The following VPS37C variants were observed in gnomAD, a reference collection of about 807,000 sequenced individuals.
VPS37C encodes VPS37C subunit of ESCRT-I, also known as vacuolar protein sorting-associated protein 37C.
In VPS37C, 9 loss-of-function variants were observed where a neutral mutation model predicts 16.1. The observed-to-expected ratio is 0.56, with a 90% CI of 0.34 to 0.97. The LOEUF (loss-of-function observed/expected upper bound fraction) is 0.97. Ranked by LOEUF, VPS37C falls within the 50% of genes least tolerant of loss-of-function variation. The pLI is 0.02. For synonymous variants in VPS37C, 207 were observed against 206.4 expected (o/e 1.00, Z -0.02); for missense variants, 479 against 472.7 (o/e 1.01, Z -0.12).
In VPS37C at chr11:61,131,000, G is replaced by T; in HGVS notation, c.*820C>A. 1 of 313,658 alleles carries T rather than the reference G, an allele frequency of 3.2e-6. No homozygotes were observed. Among genetic ancestry groups the T allele is most frequent in the South Asian group, 2.5e-5 (1 of 39,776 alleles). 19.4% of individuals were successfully genotyped at this position (313,658 alleles called of 1,614,324 possible). A position where few individuals can be genotyped will look rare whatever the true frequency, so the allele number is the denominator to read the frequency against. ...AAAGTGGGGACCCCAGAGGAGAGAA[G>T]GGAGGGTGGCTGGGGAGGTGACCTG... On this transcript the variant is annotated 3_prime_UTR_variant, in exon 5 of 5. Coordinates refer to ENST00000301765, the MANE Select transcript of VPS37C (RefSeq NM_017966.5).
rs1861319392 is a variant in VPS37C at position 61,134,062 on chromosome 11, CGCTCCACGA to C, written c.230_238del (p.Leu77_Glu79del). The C allele has an allele frequency of 5.0e-6, 8 of 1,612,302 alleles. No individual in the cohort carries two copies. Among genetic ancestry groups the C allele is most frequent in the Non-Finnish European group, 6.8e-6 (8 of 1,178,624 alleles). On this transcript the variant is annotated inframe_deletion, in exon 3 of 5. Transcript: ENST00000301765. The stretch of plus-strand genomic sequence containing the variant: ...CAGCTTTGCCTTCTGCTCCTGGCAC[CGCTCCACGA>C]GCTTCCGGAGCTCCTGGTATCTATC...
intron 1 of VPS37C, among the ~76,000 whole-genome samples, chr11:61,153,205 T>C (rs377583311): frequency 1.8e-4 from 28 of 152,210 alleles, no homozygotes; most frequent in Non-Finnish European, 3.1e-4. Flanking sequence ...GATTAGATCA[T>C]GGGGGCGGTT....
chr11:61,149,290 TAAAC>T (rs1355487838), intron 1 of VPS37C, among the ~76,000 whole-genome samples: 3 of 152,158 alleles, frequency 2.0e-5, no homozygotes, highest in South Asian at 2.1e-4. Context: ...CATCTCAAAG[TAAAC>T]AAACAAACAA....
At chr11:61,149,451 T>C (rs1432134361) in intron 1 of VPS37C, among the ~76,000 whole-genome samples, 1 of 152,110 alleles carries the variant, frequency 6.6e-6, no homozygotes, top group Non-Finnish European at 1.5e-5. Context: ...ACCAACATCA[T>C]GGGGTTGTAA....
chr11:61,146,696 A>C (rs776340438), intron 1 of VPS37C, among the ~76,000 whole-genome samples: 3 of 152,246 alleles, frequency 2.0e-5, no homozygotes, highest in Non-Finnish European at 4.4e-5. Flanking sequence ...GGAGGGAACA[A>C]GGTGAGAAAG....
At chr11:61,141,243 T>G (rs887817754) in intron 1 of VPS37C, among the ~76,000 whole-genome samples, 1 of 151,830 alleles carries the variant, frequency 6.6e-6, no homozygotes, top group East Asian at 1.9e-4. Flanking sequence ...TGGCACACAC[T>G]TGTAATCCCA....
chr11:61,155,483 A>G lies in VPS37C; in HGVS notation c.-7+5908T>C, dbSNP rs377672775. On this transcript the variant is annotated intron_variant, in intron 1 of 4. Coordinates refer to ENST00000301765, the MANE Select transcript of VPS37C (RefSeq NM_017966.5). ...CACTGCACTCTGGCCTGGATGACAG[A>G]GTGAGATTCTGCCTCTTAAAAAGCA... is the stretch of plus-strand genomic sequence containing the variant. Among the ~76,000 whole-genome samples, 118 of 152,316 alleles carry G rather than the reference A, an allele frequency of 7.7e-4. 2 individuals carry two copies. In the South Asian group the frequency reaches 0.021, roughly 28 times the overall value.
intron 1 of VPS37C, among the ~76,000 whole-genome samples, chr11:61,139,732 A>G (rs985166463): frequency 7.2e-6 from 1 of 139,560 alleles, no homozygotes; most frequent in Non-Finnish European, 1.5e-5. Context: ...CCAGAGGTGC[A>G]TTCCATAGCT....
chr11:61,148,553 T>A (rs1194525067), intron 1 of VPS37C, among the ~76,000 whole-genome samples: 1 of 149,482 alleles, frequency 6.7e-6, no homozygotes, highest in African/African-American at 2.5e-5. Context: ...CAGACTCTTT[T>A]GTTTCCTGAC....
rs1861257672 is a variant in VPS37C, at chr11:61,131,511, C to T, written c.*309G>A. The T allele has an allele frequency of 3.1e-6, 1 of 319,740 alleles. No individual in the cohort carries two copies. Among genetic ancestry groups the T allele is most frequent in the Non-Finnish European group, 5.7e-6 (1 of 176,922 alleles). 19.8% of individuals were successfully genotyped at this position (319,740 alleles called of 1,614,324 possible). A position where few individuals can be genotyped will look rare whatever the true frequency, so the allele number is the denominator to read the frequency against. ...CCCTGAGTGCAGCCGCAAGTAGATG[C>T]TCATAAATGCGCACATGCGCTCACT... is the stretch of plus-strand genomic sequence containing the variant. On this transcript the variant is annotated 3_prime_UTR_variant, in exon 5 of 5. Transcript: ENST00000301765.
chr11:61,146,412 T>C (rs1006660664), intron 1 of VPS37C, among the ~76,000 whole-genome samples: 4 of 152,198 alleles, frequency 2.6e-5, no homozygotes, highest in African/African-American at 7.2e-5. Flanking sequence ...CAATAATTCA[T>C]CATGAATACA....
At position 61,133,306 on chromosome 11, in the gene VPS37C, G is replaced by C; in HGVS notation, c.297C>G (p.Thr99=). ...EKFSSALQPG[T]LLDLLQVEGM... is the part of the protein sequence containing the mutation. ...CTTCCACCTGCAGAAGGTCTAACAA[G>C]GTCCCTGGCTGCAGTGCTGAAGAAA... is the stretch of plus-strand genomic sequence containing the variant. Residue 99 remains threonine, a synonymous_variant, in exon 4 of 5, where the codon ACC becomes ACG. Transcript: ENST00000301765. 2 of 1,614,166 alleles carry C rather than the reference G, an allele frequency of 1.2e-6. No individual in the cohort carries two copies. The highest frequency in any genetic ancestry group is 1.1e-5 in the South Asian group (1 of 91,070).
chr11:61,133,320 G>A lies in VPS37C; in HGVS notation c.283C>T (p.Leu95=), dbSNP rs772915120. ...AGGTCTAACAAGGTCCCTGGCTGCA[G>A]TGCTGAAGAAAATTTCTCTGGAAGG... The part of the protein sequence containing the change: ...KAKLEKFSSA[L]QPGTLLDLLQ... The change falls in exon 4 of 5, where the codon CTG becomes TTG. Residue 95 remains leucine (L), a synonymous_variant. Transcript: ENST00000301765. 1.2e-6 allele frequency: 2 copies of A among 1,614,156 alleles called. No homozygotes were observed. The highest frequency in any genetic ancestry group is 1.7e-5 in the Admixed American group (1 of 60,018).
chr11:61,134,112 G>A lies in VPS37C; in HGVS notation c.189C>T (p.Ser63=). The A allele has an allele frequency of 6.2e-7, 1 of 1,613,934 alleles. No homozygotes were observed. Among genetic ancestry groups the A allele is most frequent in the Non-Finnish European group, 8.5e-7 (1 of 1,179,956 alleles). ...GGTATCTATCCGAGAGGTTTGAGCG[G>A]CTGATCTCCAGGGGACCCTGGAACT... is the stretch of plus-strand genomic sequence containing the variant. The part of the protein sequence containing the change: ...NLEFQGPLEI[S]RSNLSDRYQE... The change falls in exon 3 of 5, where the codon AGC becomes AGT. Residue 63 remains serine, a synonymous_variant. Coordinates refer to ENST00000301765, the MANE Select transcript of VPS37C (RefSeq NM_017966.5).
chr11:61,156,757 T>C (rs894573611), intron 1 of VPS37C, among the ~76,000 whole-genome samples: 8 of 152,250 alleles, frequency 5.3e-5, no homozygotes, highest in African/African-American at 1.4e-4. Context: ...TTTACCATTT[T>C]AATCATTTTT....
At chr11:61,139,628 C>G (rs1474246536) in intron 1 of VPS37C, among the ~76,000 whole-genome samples, 1 of 152,132 alleles carries the variant, frequency 6.6e-6, no homozygotes, top group Admixed American at 6.6e-5. Context: ...CAGGAGGGAA[C>G]CCCAGGGACT....
Position 61,130,857 on chromosome 11 carries a change from G to A in VPS37C, c.*963C>T. 1 of 423,558 alleles carries A rather than the reference G, an allele frequency of 2.4e-6. No homozygotes were observed. The highest frequency in any genetic ancestry group is 1.7e-5 in the South Asian group (1 of 59,754). 26.2% of individuals were successfully genotyped at this position (423,558 alleles called of 1,614,324 possible). On this transcript the variant is annotated 3_prime_UTR_variant, in exon 5 of 5. Coordinates refer to ENST00000301765, the MANE Select transcript of VPS37C (RefSeq NM_017966.5). ...GCCTGTCTTAGGATGGACACTGGGGGTGGGAGGATTACATCAACAGAGTGA... is the reference window on the plus strand; with the variant it reads ...GCCTGTCTTAGGATGGACACTGGGGATGGGAGGATTACATCAACAGAGTGA...
At position 61,133,274 on chromosome 11, in the gene VPS37C, T is replaced by A. The variant is rs765301402; in HGVS notation, c.329A>T (p.Lys110Met). The A allele has an allele frequency of 3.1e-6, 5 of 1,614,106 alleles. No individual in the cohort carries two copies. In the South Asian group the frequency reaches 4.4e-5, roughly 14 times the overall value. The stretch of plus-strand genomic sequence containing the variant: ...TCTCACCTCGGACTCTTCTTCGATC[T>A]TCATGCCTTCCACCTGCAGAAGGTC... ...LLDLLQVEGM[K>M]IEEESEAMAE... Residue 110 changes from lysine to methionine, a missense_variant, in exon 4 of 5, where the codon AAG becomes ATG. By Grantham distance (95) the Lys-to-Met change is moderately conservative (BLOSUM62 -1). Coordinates refer to ENST00000301765, the MANE Select transcript of VPS37C (RefSeq NM_017966.5).
intron 1 of VPS37C, among the ~76,000 whole-genome samples, chr11:61,139,932 A>AG (rs1861446678): frequency 2.0e-5 from 3 of 152,148 alleles, no homozygotes; most frequent in Middle Eastern, 6.8e-3. Context: ...TTGTAGAGAC[A>AG]GGGTCTCACT....
Sources: allele counts gnomAD v4.1 joint callset (sites outside exome capture counted in the v4.1 genomes callset), GRCh38; gene constraint gnomAD v4.1.1; transcripts MANE v1.5; gene names NCBI Gene and HGNC (gene_info 2026-07-23, HGNC 2026-07-21).